ERBB4: variants seen among roughly 807,000 people sequenced by gnomAD.
ERBB4 encodes the protein erb-b2 receptor tyrosine kinase 4.
ERBB4 carries 42 observed loss-of-function variants against 158.0 expected under a neutral mutation model. The ratio of observed to expected loss-of-function variants is 0.27; its 90% CI spans 0.21 to 0.34. The LOEUF (loss-of-function observed/expected upper bound fraction) is 0.34, where lower values mean the gene tolerates loss of function less well. Ranked by LOEUF, ERBB4 falls within the 10% of genes least tolerant of loss-of-function variation. ERBB4 has a pLI of 1.00. For missense variants in ERBB4, 1,333 were observed against 1,624.1 expected (o/e 0.82, Z 3.08); for synonymous variants, 583 against 558.7 (o/e 1.04, Z -0.61).
intron 3 of ERBB4, among the ~76,000 whole-genome samples, chr2:211,943,104 C>T (rs1407636670): frequency 6.6e-6 from 1 of 151,822 alleles, no homozygotes; most frequent in Admixed American, 6.6e-5. Flanking sequence ...TGAAAGATTC[C>T]TTTATATCTA....
intron 3 of ERBB4, among the ~76,000 whole-genome samples, chr2:211,885,024 G>C (rs914642064): frequency 8.5e-5 from 13 of 152,076 alleles, no homozygotes; most frequent in Admixed American, 7.2e-4. Context: ...TAATGGGTTG[G>C]ATATATAATT....
At chr2:212,422,630 G>A (rs1186869073) in intron 1 of ERBB4, among the ~76,000 whole-genome samples, 3 of 152,224 alleles carry the variant, frequency 2.0e-5, no homozygotes, top group East Asian at 3.9e-4. Flanking sequence ...TTCACCAGGT[G>A]TAATCCATGC....
In ERBB4 at chr2:212,538,425, A is replaced by T. The variant is rs373398038; in HGVS notation, c.82+24T>A. On this transcript the variant is annotated intron_variant, in intron 1 of 27. Coordinates refer to ENST00000342788, the MANE Select transcript of ERBB4 (RefSeq NM_005235.3). ...CCCGCCGGCGGCTGCAGGTTCGGCG[A>T]CCGGAGTGCCAGAAGGAACCCACCT... 30 of 1,610,818 alleles carry T rather than the reference A, an allele frequency of 1.9e-5. No individual in the cohort carries two copies. In the African/African-American group the frequency reaches 3.3e-4, roughly 18 times the overall value.
intron 3 of ERBB4, among the ~76,000 whole-genome samples, chr2:211,941,004 G>A (rs1353500805): frequency 6.6e-6 from 1 of 152,006 alleles, no homozygotes; most frequent in Non-Finnish European, 1.5e-5. Flanking sequence ...CTATCGACTG[G>A]TATTAATACA....
Position 212,152,205 on chromosome 2 carries a change from C to T in ERBB4, c.83-27302G>A, listed in dbSNP as rs569433925. Among the ~76,000 whole-genome samples, 8 of 152,126 alleles carry T rather than the reference C, an allele frequency of 5.3e-5. No individual in the cohort carries two copies. The South Asian group carries it at 1.5e-3, about 28-fold the overall frequency. ...AGAATCAGAGTTCCTGTGGTCAAAT[C>T]GGTCTCCATCATCTATTACTTTTGT... is the stretch of plus-strand genomic sequence containing the variant. On this transcript the variant is annotated intron_variant, in intron 1 of 27. Transcript: ENST00000342788.
intron 3 of ERBB4, among the ~76,000 whole-genome samples, chr2:211,820,513 A>G (rs2076970712): frequency 6.6e-6 from 1 of 151,914 alleles, no homozygotes; most frequent in African/African-American, 2.4e-5. Context: ...TTATTTAAAG[A>G]AGATTTAATA....
rs397987683 is a variant in ERBB4, at chr2:212,497,178, C to CAA, written c.82+41269_82+41270dup. Among the ~76,000 whole-genome samples, 219 of 64,318 alleles carry CAA rather than the reference C, an allele frequency of 3.4e-3. 6 individuals are homozygous for CAA. The highest frequency in any genetic ancestry group is 0.02 in the East Asian group (39 of 1,998). The allele number at this position is 64,318 out of a possible 152,430, so 42.2% of individuals were successfully genotyped here. ...GGGTGACAAGAGCAAAACTCCATCT[C>CAA]AAAAAAAAAAAAAAAAAAACCCTAT... On this transcript the variant is annotated intron_variant, in intron 1 of 27. Coordinates refer to ENST00000342788, the MANE Select transcript of ERBB4 (RefSeq NM_005235.3).
At chr2:211,482,742 C>A (rs1379587711) in intron 20 of ERBB4, among the ~76,000 whole-genome samples, 1 of 152,038 alleles carries the variant, frequency 6.6e-6, no homozygotes, top group South Asian at 2.1e-4. Flanking sequence ...CCTGTCTCTA[C>A]TAAAAATACA....
chr2:211,808,072 A>G (rs1253780244), intron 3 of ERBB4, among the ~76,000 whole-genome samples: 1 of 152,118 alleles, frequency 6.6e-6, no homozygotes, highest in Non-Finnish European at 1.5e-5. Flanking sequence ...CCCATTCTGT[A>G]GGTTGCCTGT....
Position 212,030,779 on chromosome 2 carries a change from C to A in ERBB4, c.235-83163G>T, listed in dbSNP as rs72937741. 7.2e-3 allele frequency among the ~76,000 whole-genome samples: 1,090 copies of A among 152,178 alleles called. 12 individuals are homozygous for A. Among genetic ancestry groups the A allele is most frequent in the African/African-American group, 0.025 (1,041 of 41,524 alleles). Reference sequence around the variant, plus strand: ...GACTATTCTTTGAGGAATGTTAATTCTCCAGCATTTCTGGCTGCCCCAATT... The same window carrying A: ...GACTATTCTTTGAGGAATGTTAATTATCCAGCATTTCTGGCTGCCCCAATT... On this transcript the variant is annotated intron_variant, in intron 2 of 27. Transcript: ENST00000342788.
intron 2 of ERBB4, among the ~76,000 whole-genome samples, chr2:212,053,970 G>T (rs979357481): frequency 6.6e-6 from 1 of 152,142 alleles, no homozygotes; most frequent in Admixed American, 6.5e-5. Flanking sequence ...AGTATATGGG[G>T]ATAAATATGA....
chr2:212,183,521 T>A (rs969417955), intron 1 of ERBB4, among the ~76,000 whole-genome samples: 2 of 151,918 alleles, frequency 1.3e-5, no homozygotes, highest in African/African-American at 2.4e-5. Flanking sequence ...ATAAAAGAAA[T>A]AGGGTTTAAA....
chr2:212,094,146 C>T (rs1298070049), intron 2 of ERBB4, among the ~76,000 whole-genome samples: 2 of 151,810 alleles, frequency 1.3e-5, no homozygotes, highest in African/African-American at 4.8e-5. Context: ...TGGTGGGAGG[C>T]TTTTCACTGA....
At chr2:211,749,828 T>G (rs2075076216) in intron 5 of ERBB4, among the ~76,000 whole-genome samples, 1 of 152,330 alleles carries the variant, frequency 6.6e-6, no homozygotes, top group South Asian at 2.1e-4. Flanking sequence ...CAAAGAAATA[T>G]ATTTCAACTT....
intron 1 of ERBB4, among the ~76,000 whole-genome samples, chr2:212,536,534 C>A (rs1267890036): frequency 1.3e-5 from 2 of 152,164 alleles, no homozygotes; most frequent in Non-Finnish European, 2.9e-5. Context: ...GCACGCTAAT[C>A]CTCGCGCTCT....
Position 211,953,781 on chromosome 2 carries a change from T to C in ERBB4, c.235-6165A>G, listed in dbSNP as rs10168590. Among the ~76,000 whole-genome samples, 1,491 of 152,124 alleles carry C rather than the reference T, an allele frequency of 9.8e-3. 26 individuals are homozygous for C. The highest frequency in any genetic ancestry group is 0.034 in the African/African-American group (1,427 of 41,550). ...GGGACAATTTGTTTTGCTTATGACA[T>C]TTGATGATAGAAATCAAAAGATAAT... On this transcript the variant is annotated intron_variant, in intron 2 of 27. Coordinates refer to ENST00000342788, the MANE Select transcript of ERBB4 (RefSeq NM_005235.3).
At chr2:211,966,069 C>T (rs1431189659) in intron 2 of ERBB4, among the ~76,000 whole-genome samples, 1 of 152,030 alleles carries the variant, frequency 6.6e-6, no homozygotes, top group East Asian at 1.9e-4. Flanking sequence ...CAAAATTTAG[C>T]CGGACATTGT....
intron 3 of ERBB4, among the ~76,000 whole-genome samples, chr2:211,791,630 C>T (rs898687074): frequency 1.3e-5 from 2 of 151,788 alleles, no homozygotes; most frequent in Admixed American, 6.6e-5. Context: ...GATTCTTGGT[C>T]ATTGAATCAA....
chr2:212,049,862 A>G (rs964160042), intron 2 of ERBB4, among the ~76,000 whole-genome samples: 3 of 152,174 alleles, frequency 2.0e-5, no homozygotes, highest in Admixed American at 2.0e-4. Context: ...TGCAAATTAG[A>G]ACAGTGGGAT....
Sources: allele counts gnomAD v4.1 joint callset (sites outside exome capture counted in the v4.1 genomes callset), GRCh38; gene constraint gnomAD v4.1.1; transcripts MANE v1.5; gene names NCBI Gene and HGNC (gene_info 2026-07-23, HGNC 2026-07-21).